B4GALNT3: variants seen among roughly 807,000 people sequenced by gnomAD.
The protein encoded by B4GALNT3 is beta-1,4-N-acetyl-galactosaminyltransferase 3, also known as beta-1,4-N-acetylgalactosaminyltransferase 3.
In B4GALNT3, 86 loss-of-function variants were observed where a neutral mutation model predicts 120.2. The observed-to-expected ratio is 0.72, with a 90% confidence interval of 0.60 to 0.86. B4GALNT3 has a LOEUF of 0.86. B4GALNT3 is among the 40% of genes least tolerant of loss of function. The probability of loss-of-function intolerance (pLI) is 0.00; values close to 1 mark genes in which losing one functional copy is unlikely to be tolerated. For missense variants in B4GALNT3, 1,167 were observed against 1,298.9 expected (o/e 0.90, Z 1.56); for synonymous variants, 518 against 510.4 (o/e 1.01, Z -0.20).
At chr12:515,410 G>A (rs1213994673) in intron 1 of B4GALNT3, among the ~76,000 whole-genome samples, 1 of 151,884 alleles carries the variant, frequency 6.6e-6, no homozygotes, top group Admixed American at 6.6e-5. Flanking sequence ...TGTTAGCCAG[G>A]GTGGTCTCAA....
intron 1 of B4GALNT3, among the ~76,000 whole-genome samples, chr12:530,825 GCA>G (rs1488004896): frequency 6.6e-6 from 1 of 152,162 alleles, no homozygotes; most frequent in African/African-American, 2.4e-5. Context: ...AGTCTGCATT[GCA>G]CAGAGGAGGG....
rs192379139 is a variant in B4GALNT3, at chr12:555,824, G to T, written c.2061-723G>T. Among the ~76,000 whole-genome samples, 1,004 of 150,214 alleles carry T rather than the reference G, an allele frequency of 6.7e-3. 14 individuals carry two copies. The highest frequency in any genetic ancestry group is 0.023 in the African/African-American group (940 of 40,800). The stretch of plus-strand genomic sequence containing the variant: ...TTTTGAGACGGAGTCTCGCTCTGTC[G>T]CCCAGGCTGGAGTGCAGTGGCGCGA... On this transcript the variant is annotated intron_variant, in intron 14 of 19. Coordinates refer to ENST00000266383, the MANE Select transcript of B4GALNT3 (RefSeq NM_173593.4).
chr12:559,289 C>G lies in B4GALNT3; in HGVS notation c.2762-6C>G. 2 of 1,613,914 alleles carry G rather than the reference C, an allele frequency of 1.2e-6. No homozygotes were observed. The highest frequency in any genetic ancestry group is 1.3e-5 in the African/African-American group (1 of 75,058). On this transcript the variant is annotated splice_polypyrimidine_tract_variant and splice_region_variant and intron_variant, in intron 18 of 19. Coordinates refer to ENST00000266383, the MANE Select transcript of B4GALNT3 (RefSeq NM_173593.4). ...CATCTCACCCGAAGCTCCTGTCTGT[C>G]CACAGGCTACTGGGAGGTGAATGGG...
chr12:519,403 C>A (rs754105233), intron 1 of B4GALNT3, among the ~76,000 whole-genome samples: 8 of 152,112 alleles, frequency 5.3e-5, no homozygotes, highest in Non-Finnish European at 7.3e-5. Context: ...TTCACAAATA[C>A]CCCAACTAGG....
chr12:504,275 T>A, intron 1 of B4GALNT3, among the ~76,000 whole-genome samples: 1 of 125,618 alleles, frequency 8.0e-6, no homozygotes. Flanking sequence ...CGAGACCCTG[T>A]CTATAAAAAA....
At position 512,276 on chromosome 12, in the gene B4GALNT3, C is replaced by CCTTCCACCTTCCACCTT. The variant is rs1555155166; in HGVS notation, c.170-22854_170-22838dup. Among the ~76,000 whole-genome samples, 601 of 101,108 alleles carry CCTTCCACCTTCCACCTT rather than the reference C, an allele frequency of 5.9e-3. 13 individuals carry two copies. Among genetic ancestry groups the CCTTCCACCTTCCACCTT allele is most frequent in the East Asian group, 0.014 (29 of 2,022 alleles). The allele number at this position is 101,108 out of a possible 152,430, so 66.3% of individuals were successfully genotyped here. On this transcript the variant is annotated intron_variant, in intron 1 of 19. Coordinates refer to ENST00000266383, the MANE Select transcript of B4GALNT3 (RefSeq NM_173593.4). ...TTCCACCTTCTTCCACCTTCTTCCA[C>CCTTCCACCTTCCACCTT]CTTCCACCTTCCACCTTCTTCCACC...
At chr12:491,674 T>A (rs1946340865) in intron 1 of B4GALNT3, among the ~76,000 whole-genome samples, 2 of 152,076 alleles carry the variant, frequency 1.3e-5, no homozygotes, top group Admixed American at 1.3e-4. Flanking sequence ...AGAGGGGAAC[T>A]TCCTCAACTT....
chr12:495,862 C>G (rs965395906), intron 1 of B4GALNT3, among the ~76,000 whole-genome samples: 2 of 152,002 alleles, frequency 1.3e-5, no homozygotes, highest in Non-Finnish European at 2.9e-5. Flanking sequence ...TGCTCAGCTA[C>G]CAAGAATTAC....
In B4GALNT3 at chr12:549,617, C is replaced by T. The variant is rs368380581; in HGVS notation, c.854-152C>T. 51 of 988,458 alleles carry T rather than the reference C, an allele frequency of 5.2e-5. No individual in the cohort carries two copies. The African/African-American group carries it at 7.0e-4, about 14-fold the overall frequency. 61.2% of individuals were successfully genotyped at this position (988,458 alleles called of 1,614,324 possible). A position where few individuals can be genotyped will look rare whatever the true frequency, so the allele number is the denominator to read the frequency against. ...ATGAATCGTGAAGCCACCGCTGTGG[C>T]GGGGGCCAGAGGGAGTGTGGCTGCG... On this transcript the variant is annotated intron_variant, in intron 9 of 19. Coordinates refer to ENST00000266383, the MANE Select transcript of B4GALNT3 (RefSeq NM_173593.4).
intron 1 of B4GALNT3, among the ~76,000 whole-genome samples, chr12:523,625 C>A (rs1946733642): frequency 6.6e-6 from 1 of 152,228 alleles, no homozygotes; most frequent in African/African-American, 2.4e-5. Context: ...AGTCCGGTCC[C>A]TAGCACAGGC....
chr12:545,153 TC>T, intron 5 of B4GALNT3, 181 bp downstream of exon 5: 2 of 1,443,478 alleles, frequency 1.4e-6, no homozygotes, highest in South Asian at 1.5e-5. Context: ...GCTGCTTTGC[TC>T]CCTGGTTTGC....
chr12:544,620 T>C (rs1297764425), intron 4 of B4GALNT3, among the ~76,000 whole-genome samples, 186 bp downstream of exon 4: 1 of 152,198 alleles, frequency 6.6e-6, no homozygotes, highest in Non-Finnish European at 1.5e-5. Flanking sequence ...TTTCATCCCC[T>C]GCATCATTTC....
At chr12:483,698 C>A (rs376542875) in intron 1 of B4GALNT3, among the ~76,000 whole-genome samples, 15 of 152,292 alleles carry the variant, frequency 9.8e-5, no homozygotes, top group African/African-American at 3.4e-4. Context: ...ACCCTGTCCC[C>A]CACAATAAAT....
chr12:543,808 C>T (rs1307987849), intron 3 of B4GALNT3, among the ~76,000 whole-genome samples: 34 of 95,064 alleles, frequency 3.6e-4, no homozygotes, highest in South Asian at 7.5e-4. Flanking sequence ...CTCATCTTCC[C>T]GGAGCTGAGG....
At chr12:474,581 G>A (rs1946166223) in intron 1 of B4GALNT3, among the ~76,000 whole-genome samples, 1 of 152,176 alleles carries the variant, frequency 6.6e-6, no homozygotes, top group Non-Finnish European at 1.5e-5. Flanking sequence ...CACTTTGGGA[G>A]ACTAAGGTAG....
At chr12:498,672 C>T (rs1372039169) in intron 1 of B4GALNT3, among the ~76,000 whole-genome samples, 1 of 152,100 alleles carries the variant, frequency 6.6e-6, no homozygotes, top group Non-Finnish European at 1.5e-5. Flanking sequence ...GTATGTGGGG[C>T]GACGCTAGCT....
At chr12:483,884 T>A (rs1019361144) in intron 1 of B4GALNT3, among the ~76,000 whole-genome samples, 3 of 152,138 alleles carry the variant, frequency 2.0e-5, no homozygotes, top group African/African-American at 7.2e-5. Context: ...ATCTTAGCCA[T>A]GACACTGCAA....
At chr12:511,596 GCCTTCCA>G (rs1381028312) in intron 1 of B4GALNT3, among the ~76,000 whole-genome samples, 3 of 61,082 alleles carry the variant, frequency 4.9e-5, no homozygotes, top group African/African-American at 1.1e-4. Flanking sequence ...TCCACCTTCC[GCCTTCCA>G]CCTTCGACCT....
intron 12 of B4GALNT3, 40 bp from the exon 13 acceptor site, chr12:552,427 A>G (rs200715480): frequency 6.3e-7 from 1 of 1,590,494 alleles, no homozygotes; most frequent in Non-Finnish European, 8.6e-7. Context: ...TGAGCCCGCC[A>G]TGCACCGGGT....
Sources: allele counts gnomAD v4.1 joint callset (sites outside exome capture counted in the v4.1 genomes callset), GRCh38; gene constraint gnomAD v4.1.1; transcripts MANE v1.5; gene names NCBI Gene and HGNC (gene_info 2026-07-23, HGNC 2026-07-21).